FBLN7: variants seen among roughly 807,000 people sequenced by gnomAD.
The protein encoded by FBLN7 is fibulin-7.
FBLN7 carries 31 observed loss-of-function variants against 44.0 expected under a neutral mutation model. The observed-to-expected ratio is 0.70, with a 90% CI of 0.53 to 0.95. The LOEUF is 0.95. Among genes scored for constraint, FBLN7 ranks in the 40% least tolerant of loss-of-function variants. The probability of loss-of-function intolerance (pLI) is 0.00; values close to 1 mark genes in which losing one functional copy is unlikely to be tolerated. For missense variants in FBLN7, 573 were observed against 618.5 expected, an observed-to-expected ratio of 0.93 and a Z score of 0.78; for synonymous variants, 262 against 253.4, an observed-to-expected ratio of 1.03 and a Z score of -0.32.
intron 1 of FBLN7, among the ~76,000 whole-genome samples, chr2:112,143,080 T>A (rs1485801932): frequency 2.0e-5 from 3 of 152,204 alleles, no homozygotes; most frequent in Non-Finnish European, 4.4e-5. Flanking sequence ...CCTCTGTGGC[T>A]ATCCACTGTG....
the FBLN7 span, among the ~76,000 whole-genome samples, chr2:112,193,399 T>G: frequency 2.0e-5 from 3 of 152,094 alleles, no homozygotes; most frequent in Non-Finnish European, 4.4e-5. Flanking sequence ...GAGATAGCGC[T>G]GCTGCACTCC....
chr2:112,197,534 T>A, the FBLN7 span, among the ~76,000 whole-genome samples: 1 of 152,140 alleles, frequency 6.6e-6, no homozygotes, highest in Non-Finnish European at 1.5e-5. Context: ...TTTGTGGTAT[T>A]TTGTTCCAGC....
chr2:112,182,467 G>A (rs980900601), intron 5 of FBLN7, among the ~76,000 whole-genome samples: 1 of 152,180 alleles, frequency 6.6e-6, no homozygotes, highest in African/African-American at 2.4e-5. Context: ...CTACTTTCTG[G>A]GAATAGGCTT....
the FBLN7 span, among the ~76,000 whole-genome samples, chr2:112,228,000 T>C: frequency 2.6e-5 from 4 of 152,174 alleles, no homozygotes; most frequent in Admixed American, 6.5e-5. Flanking sequence ...CTTTGAAAAG[T>C]AGAACAAAGC....
At chr2:112,166,047 G>T (rs1176901022) in intron 3 of FBLN7, among the ~76,000 whole-genome samples, 1 of 149,550 alleles carries the variant, frequency 6.7e-6, no homozygotes, top group Non-Finnish European at 1.5e-5. Flanking sequence ...AGAGGACTTT[G>T]TTTTTGTTTT....
In FBLN7 at chr2:112,144,611, G is replaced by A. The variant is rs1313313971; in HGVS notation, c.75+5881G>A. Among the ~76,000 whole-genome samples the A allele has an allele frequency of 2.1e-5, 3 of 144,450 alleles. No homozygotes were observed. The East Asian group carries it at 6.7e-4, about 32-fold the overall frequency. 94.8% of individuals were successfully genotyped at this position (144,450 alleles called of 152,430 possible). A position where few individuals can be genotyped will look rare whatever the true frequency, so the allele number is the denominator to read the frequency against. ...GTGATCTTGGCTCACTGCCACCTCCGCCTCCCGGGTTCAAGCGATTCTCCT... is the reference window on the plus strand; with the variant it reads ...GTGATCTTGGCTCACTGCCACCTCCACCTCCCGGGTTCAAGCGATTCTCCT... On this transcript the variant is annotated intron_variant, in intron 1 of 7. Transcript: ENST00000331203.
intron 4 of FBLN7, chr2:112,176,095 G>A (rs1053134577): frequency 7.6e-5 from 23 of 300,698 alleles, no homozygotes; most frequent in Non-Finnish European, 1.3e-4. Context: ...GACTCCCAAC[G>A]TAAAAATCCC....
At chr2:112,189,960 G>A (rs892265613), downstream of FBLN7, 22 of 152,026 alleles carry the variant, frequency 1.4e-4, no homozygotes, top group African/African-American at 5.3e-4. Context: ...ACTTGCAGTA[G>A]GTCTATGCAC....
the FBLN7 span, among the ~76,000 whole-genome samples, chr2:112,204,276 A>C: frequency 1.2e-4 from 18 of 151,164 alleles, no homozygotes; most frequent in Admixed American, 1.1e-3. Flanking sequence ...TGAGGAACAA[A>C]AAAAAAAAAA....
chr2:112,138,630 C>T lies in FBLN7; in HGVS notation c.-26C>T. On this transcript the variant is annotated 5_prime_UTR_variant, in exon 1 of 8. Coordinates refer to ENST00000331203, the MANE Select transcript of FBLN7 (RefSeq NM_153214.3). The stretch of plus-strand genomic sequence containing the variant: ...GCGGAGGCAAAGTTATTTCCCCTCC[C>T]AGGCAGCGGGATTCCGACTGGCAAG... The T allele has an allele frequency of 6.2e-7, 1 of 1,613,782 alleles. No individual in the cohort carries two copies. Among genetic ancestry groups the T allele is most frequent in the South Asian group, 1.1e-5 (1 of 91,078 alleles).
At chr2:112,176,393 T>A (rs985517851) in intron 4 of FBLN7, 7 of 152,426 alleles carry the variant, frequency 4.6e-5, no homozygotes, top group African/African-American at 1.7e-4. Flanking sequence ...TGATAAGGAA[T>A]CTGTGGAGGA....
chr2:112,168,727 C>T (rs1682294701), intron 3 of FBLN7, among the ~76,000 whole-genome samples: 1 of 152,218 alleles, frequency 6.6e-6, no homozygotes, highest in Non-Finnish European at 1.5e-5. Context: ...AACCACTGAG[C>T]ACACCCACTG....
downstream of FBLN7, among the ~76,000 whole-genome samples, chr2:112,191,091 C>T (rs1683473495): frequency 6.6e-6 from 1 of 152,170 alleles, no homozygotes; most frequent in African/African-American, 2.4e-5. Context: ...GATCCTTCCA[C>T]CTCAGCCTCT....
chr2:112,212,905 T>C, the FBLN7 span: 1 of 151,902 alleles, frequency 6.6e-6, no homozygotes, highest in Non-Finnish European at 1.5e-5. Context: ...CCATGCTCTT[T>C]AGGCGCATTA....
Position 112,187,234 on chromosome 2 carries a change from A to G in FBLN7, c.1048A>G (p.Thr350Ala), listed in dbSNP as rs572200014. The G allele has an allele frequency of 6.2e-7, 1 of 1,613,760 alleles. No homozygotes were observed. The highest frequency in any genetic ancestry group is 1.1e-5 in the South Asian group (1 of 91,044). The change falls in exon 8 of 8, where the codon ACG becomes GCG. Residue 350 changes from threonine (T) to alanine (A), a missense_variant. Physicochemically the swap from Thr to Ala is moderately conservative, Grantham distance 58 (BLOSUM62 0). Coordinates refer to ENST00000331203, the MANE Select transcript of FBLN7 (RefSeq NM_153214.3). The surrounding 1 kb of genome is among the most constrained non-coding windows in gnomAD (Gnocchi z 5.1). ...HYLSLPSNLK[T>A]PITLFRMATA... ...CCTCTCTCTGCCTTCCAACCTGAAG[A>G]CGCCCATCACGCTCTTCCGCATGGC...
chr2:112,165,230 C>A (rs1682091720), intron 3 of FBLN7, 59 bp downstream of exon 3: 2 of 1,555,862 alleles, frequency 1.3e-6, no homozygotes, highest in Non-Finnish European at 8.7e-7. Context: ...GCAAGGGTTT[C>A]TTGCATAGAA....
the FBLN7 span, among the ~76,000 whole-genome samples, chr2:112,194,306 C>T: frequency 3.9e-5 from 6 of 152,194 alleles, no homozygotes; most frequent in Non-Finnish European, 5.9e-5. Flanking sequence ...CTAAGAGTCA[C>T]AAAAATTCAT....
At chr2:112,221,410 T>C in the FBLN7 span, among the ~76,000 whole-genome samples, 1 of 152,200 alleles carries the variant, frequency 6.6e-6, no homozygotes, top group Non-Finnish European at 1.5e-5. Context: ...CTGCCATGTC[T>C]GTAAGTAAGT....
At chr2:112,231,257 A>T in the FBLN7 span, among the ~76,000 whole-genome samples, 2 of 152,188 alleles carry the variant, frequency 1.3e-5, no homozygotes, top group Non-Finnish European at 2.9e-5. Context: ...CATATGCTCA[A>T]GGGAACATTT....
Sources: allele counts gnomAD v4.1 joint callset (sites outside exome capture counted in the v4.1 genomes callset), GRCh38; gene constraint gnomAD v4.1.1; non-coding constraint Gnocchi (gnomAD v3.1); transcripts MANE v1.5; gene names NCBI Gene and HGNC (gene_info 2026-07-23, HGNC 2026-07-21).